NPAS3: variants seen among roughly 807,000 people sequenced by gnomAD.
NPAS3 encodes the protein neuronal PAS domain protein 3.
In NPAS3, 14 loss-of-function variants were observed where a neutral mutation model predicts 73.1. The ratio of observed to expected loss-of-function variants is 0.19; its 90% CI spans 0.13 to 0.30. NPAS3 has a LOEUF of 0.30. NPAS3 is among the 10% of genes least tolerant of loss of function. The pLI is 1.00. For synonymous variants in NPAS3, 620 were observed against 541.5 expected (o/e 1.14, Z -2.01); for missense variants, 1,096 against 1,250.0 (o/e 0.88, Z 1.86).
intron 5 of NPAS3, among the ~76,000 whole-genome samples, chr14:33,651,929 A>T (rs74545997): frequency 0.032 from 4,808 of 152,272 alleles, 270 homozygotes; most frequent in African/African-American, 0.11. Context: ...TTTAAAAATG[A>T]TAAGGCTTAG....
intron 4 of NPAS3, among the ~76,000 whole-genome samples, chr14:33,443,404 C>G (rs2049339783): frequency 6.6e-6 from 1 of 152,034 alleles, no homozygotes; most frequent in South Asian, 2.1e-4. Context: ...AGATTGCTAA[C>G]TTTATGTATT....
chr14:33,479,549 T>C (rs2051209999), intron 4 of NPAS3, among the ~76,000 whole-genome samples: 1 of 152,224 alleles, frequency 6.6e-6, no homozygotes, highest in Non-Finnish European at 1.5e-5. Context: ...TTGTGTGCTG[T>C]TAAGAAAAGC....
Position 33,800,325 on chromosome 14 carries a change from T to C in NPAS3, c.2018T>C (p.Ile673Thr), listed in dbSNP as rs2063659362. 6.2e-6 allele frequency: 10 copies of C among 1,613,158 alleles called. No individual in the cohort carries two copies. The highest frequency in any genetic ancestry group is 8.5e-6 in the Non-Finnish European group (10 of 1,179,554). ...TGGAACTACCCGCCCAACCGGGAGA[T>C]CTCCAGGAACGAGTCCCCCTACAGC... The change falls in exon 12 of 12, where the codon ATC becomes ACC. Residue 673 changes from isoleucine to threonine, a missense_variant. Physicochemically the swap from Ile to Thr is moderately conservative, Grantham distance 89 (BLOSUM62 -1). This residue lies in a region of NPAS3 where 698 missense variants were observed against 676.7 expected (regional missense o/e 1.03). Transcript: ENST00000356141. This position sits in a 1 kb window ranked among gnomAD's most constrained non-coding sequence, Gnocchi z 6.5.
At chr14:33,774,719 G>A (rs959295580) in intron 8 of NPAS3, among the ~76,000 whole-genome samples, 189 bp downstream of exon 8, 4 of 152,088 alleles carry the variant, frequency 2.6e-5, no homozygotes, top group East Asian at 1.9e-4. Context: ...CCTGATTTAC[G>A]TTAGGGACAA....
rs184714080 is a variant in NPAS3 at position 33,073,201 on chromosome 14, A to G, written c.140+17207A>G. On this transcript the variant is annotated intron_variant, in intron 2 of 11. Coordinates refer to ENST00000356141, the Ensembl canonical transcript of NPAS3. ...ACAAACACTCATTTATCAAGGAAAT[A>G]TTTATTGTCTCCTTTTGGGAAAGTG... 2.6e-5 allele frequency among the ~76,000 whole-genome samples: 4 copies of G among 152,306 alleles called. No homozygotes were observed. The East Asian group carries it at 5.8e-4, about 22-fold the overall frequency.
intron 5 of NPAS3, among the ~76,000 whole-genome samples, chr14:33,623,129 CAAGG>C (rs1379531922): frequency 6.6e-6 from 1 of 152,110 alleles, no homozygotes; most frequent in African/African-American, 2.4e-5. Flanking sequence ...CTAGTAGAGT[CAAGG>C]AAGGCTTCCT....
chr14:33,200,341 A>G (rs1362770542), intron 2 of NPAS3, among the ~76,000 whole-genome samples: 2 of 152,152 alleles, frequency 1.3e-5, no homozygotes, highest in African/African-American at 4.8e-5. Context: ...AGTTTATAGT[A>G]AATTTATAAA....
intron 2 of NPAS3, among the ~76,000 whole-genome samples, chr14:33,130,667 T>C (rs2043603499): frequency 6.6e-6 from 1 of 152,164 alleles, no homozygotes; most frequent in Non-Finnish European, 1.5e-5. Context: ...ATTATTTTCT[T>C]ATGCTTTTAG....
At chr14:33,247,786 A>G (rs1463618087) in intron 3 of NPAS3, among the ~76,000 whole-genome samples, 1 of 152,226 alleles carries the variant, frequency 6.6e-6, no homozygotes, top group Non-Finnish European at 1.5e-5. Context: ...TGCTAATAGC[A>G]CTTTTTTATT....
intron 1 of NPAS3, among the ~76,000 whole-genome samples, chr14:32,956,356 G>A (rs1595085324): frequency 6.6e-6 from 1 of 152,244 alleles, no homozygotes; most frequent in African/African-American, 2.4e-5. Flanking sequence ...ATGGCCTTGT[G>A]TATATAGTAC....
At chr14:33,506,524 G>A (rs936141454) in intron 4 of NPAS3, among the ~76,000 whole-genome samples, 2 of 151,868 alleles carry the variant, frequency 1.3e-5, no homozygotes, top group Admixed American at 6.6e-5. Flanking sequence ...CCACTAAATG[G>A]TAACAAATTA....
Position 33,633,276 on chromosome 14 carries a change from C to T in NPAS3, c.559-42935C>T, listed in dbSNP as rs79058247. ...GAGGGATGGCTGTATGTAATTGATG[C>T]CCTCGAATGCAAACTTATTTGAAAA... is the stretch of plus-strand genomic sequence containing the variant. On this transcript the variant is annotated intron_variant, in intron 5 of 11. Coordinates refer to ENST00000356141, the Ensembl canonical transcript of NPAS3. Among the ~76,000 whole-genome samples, 153 of 152,106 alleles carry T rather than the reference C, an allele frequency of 1.0e-3. 2 individuals are homozygous for T. The highest frequency in any genetic ancestry group is 3.4e-3 in the African/African-American group (139 of 41,484).
intron 1 of NPAS3, among the ~76,000 whole-genome samples, chr14:33,012,335 A>C (rs1369160591): frequency 6.6e-6 from 1 of 152,148 alleles, no homozygotes; most frequent in Non-Finnish European, 1.5e-5. Flanking sequence ...TCAAATATTC[A>C]ATTTCTAATA....
chr14:33,702,723 G>A (rs926212764), intron 6 of NPAS3, among the ~76,000 whole-genome samples: 1 of 152,146 alleles, frequency 6.6e-6, no homozygotes, highest in Non-Finnish European at 1.5e-5. Context: ...GAGGGTGGGA[G>A]GGCAAGAAGA....
intron 3 of NPAS3, among the ~76,000 whole-genome samples, chr14:33,288,585 CTG>C (rs908722770): frequency 6.6e-6 from 1 of 151,974 alleles, no homozygotes; most frequent in African/African-American, 2.4e-5. Context: ...AAGAGTCATA[CTG>C]TACTATTCAT....
chr14:32,957,587 T>C (rs2036729551), intron 1 of NPAS3, among the ~76,000 whole-genome samples: 1 of 152,098 alleles, frequency 6.6e-6, no homozygotes, highest in Admixed American at 6.5e-5. Flanking sequence ...TTAGCCAGGA[T>C]GGTCTTGATC....
chr14:32,938,798 G>C (rs1414703128), upstream of NPAS3, among the ~76,000 whole-genome samples: 1 of 147,574 alleles, frequency 6.8e-6, no homozygotes, highest in Non-Finnish European at 1.5e-5. Flanking sequence ...CGGGGCCCTG[G>C]GCCGGGCTGC....
At chr14:33,463,296 T>C (rs750932424) in intron 4 of NPAS3, among the ~76,000 whole-genome samples, 3 of 152,294 alleles carry the variant, frequency 2.0e-5, no homozygotes, top group Non-Finnish European at 4.4e-5. Flanking sequence ...AAAAACTTCT[T>C]TGGGAAAAGA....
intron 4 of NPAS3, among the ~76,000 whole-genome samples, chr14:33,492,616 A>T (rs1341638925): frequency 1.3e-5 from 2 of 152,198 alleles, no homozygotes; most frequent in African/African-American, 2.4e-5. Flanking sequence ...TAATATGTAA[A>T]TAGGATACAC....
Sources: gnomAD v4.1 joint callset for allele counts (sites outside exome capture counted in the v4.1 genomes callset) on GRCh38, gnomAD v4.1.1 for gene constraint, gnomAD v4.1.1 regional missense constraint, Gnocchi (gnomAD v3.1) non-coding constraint, MANE v1.5 for transcripts, NCBI Gene and HGNC (gene_info 2026-07-23, HGNC 2026-07-21) for gene names.